Variants in KDM4C observed in about 807,000 individuals in gnomAD.
KDM4C encodes the protein lysine demethylase 4C, also known as lysine-specific demethylase 4C.
KDM4C carries 81 observed loss-of-function variants against 129.3 expected under a neutral mutation model. The observed-to-expected ratio is 0.63, with a 90% CI of 0.52 to 0.75. The LOEUF is 0.75. Among genes scored for constraint, KDM4C ranks in the 30% least tolerant of loss-of-function variants. The pLI is 0.00. For missense variants in KDM4C, 1,457 were observed against 1,304.0 expected (o/e 1.12, Z -1.81); for synonymous variants, 573 against 456.1 (o/e 1.26, Z -3.26).
intron 17 of KDM4C, among the ~76,000 whole-genome samples, chr9:7,057,032 C>G (rs1381821326): frequency 6.6e-6 from 1 of 152,106 alleles, no homozygotes; most frequent in Non-Finnish European, 1.5e-5. Context: ...TGGAAAGGTA[C>G]GGTCATTATT....
intron 6 of KDM4C, among the ~76,000 whole-genome samples, chr9:6,882,839 T>A (rs7874111): frequency 0.023 from 3,452 of 152,160 alleles, 125 homozygotes; most frequent in African/African-American, 0.078. Context: ...TTGTGGAATT[T>A]TTTTAATGGC....
chr9:6,722,494 A>G (rs1588024958), intron 1 of KDM4C, among the ~76,000 whole-genome samples: 1 of 150,140 alleles, frequency 6.7e-6, no homozygotes, highest in East Asian at 1.9e-4. Flanking sequence ...CCTGAGCAAC[A>G]TGGCAAAACC....
At chr9:6,993,000 T>C (rs1819028197) in intron 12 of KDM4C, among the ~76,000 whole-genome samples, 2 of 152,202 alleles carry the variant, frequency 1.3e-5, no homozygotes, top group South Asian at 4.1e-4. Context: ...GTTGCTATTC[T>C]CTTTAGGACA....
intron 12 of KDM4C, among the ~76,000 whole-genome samples, chr9:7,006,631 C>G (rs1821723673): frequency 6.6e-6 from 1 of 152,042 alleles, no homozygotes; most frequent in South Asian, 2.1e-4. Context: ...ATTGTACAAG[C>G]AGAAGTTGTG....
chr9:7,170,526 A>C (rs1484288080), intron 21 of KDM4C: 38 of 967,942 alleles, frequency 3.9e-5, no homozygotes, highest in Non-Finnish European at 4.5e-5. Flanking sequence ...TCAAAACTGC[A>C]GTCATTGAAA....
chr9:7,128,835 T>A (rs1346036932), intron 19 of KDM4C, among the ~76,000 whole-genome samples: 1 of 152,156 alleles, frequency 6.6e-6, no homozygotes, highest in Non-Finnish European at 1.5e-5. Flanking sequence ...CTCCATCTCC[T>A]CCTTCCTCTG....
chr9:6,724,002 T>C (rs1817046632), intron 1 of KDM4C: 1 of 152,164 alleles, frequency 6.6e-6, no homozygotes, highest in Non-Finnish European at 1.5e-5. Context: ...ACAGTGATCG[T>C]GGGATGAATA....
intron 17 of KDM4C, among the ~76,000 whole-genome samples, chr9:7,083,003 T>G (rs1234885598): frequency 6.6e-6 from 1 of 152,222 alleles, no homozygotes; most frequent in Non-Finnish European, 1.5e-5. Context: ...CTATTATCTA[T>G]TTTTATGAAG....
intron 5 of KDM4C, among the ~76,000 whole-genome samples, chr9:6,865,229 C>T (rs1317717235): frequency 6.6e-6 from 1 of 152,062 alleles, no homozygotes; most frequent in Non-Finnish European, 1.5e-5. Flanking sequence ...AGGATGGTCT[C>T]GATCTCCTGA....
At chr9:6,885,897 A>G (rs1276801864) in intron 6 of KDM4C, among the ~76,000 whole-genome samples, 2 of 152,192 alleles carry the variant, frequency 1.3e-5, no homozygotes, top group African/African-American at 4.8e-5. Context: ...TGGTTTTCCA[A>G]TTTAGGTTAA....
At chr9:6,912,353 A>G (rs1004357378) in intron 8 of KDM4C, among the ~76,000 whole-genome samples, 10 of 152,126 alleles carry the variant, frequency 6.6e-5, no homozygotes, top group African/African-American at 2.2e-4. Flanking sequence ...ACTGTCTCCT[A>G]GGGTTATTCT....
intron 2 of KDM4C, among the ~76,000 whole-genome samples, chr9:6,793,496 C>T (rs189793515): frequency 6.6e-6 from 1 of 151,490 alleles, no homozygotes; most frequent in East Asian, 1.9e-4. Context: ...CAATTTCTCT[C>T]TCCTATCCTT....
intron 8 of KDM4C, among the ~76,000 whole-genome samples, chr9:6,904,406 A>ATT (rs34938835): frequency 2.8e-5 from 4 of 144,318 alleles, no homozygotes; most frequent in Admixed American, 6.9e-5. Context: ...TTTGCAGTGG[A>ATT]TTTTTTTTTT....
chr9:6,872,027 A>C (rs1421334319), intron 5 of KDM4C, among the ~76,000 whole-genome samples: 1 of 152,160 alleles, frequency 6.6e-6, no homozygotes, highest in Admixed American at 6.5e-5. Flanking sequence ...GGGGTTTGAG[A>C]GGTGAATTGA....
chr9:7,165,246 C>T lies in KDM4C; in HGVS notation c.2790C>T (p.Asp930=). Residue 930 remains aspartate (D), a synonymous_variant, in exon 20 of 22, where the codon GAC becomes GAT. Transcript: ENST00000381309. ...DTFPEDIVSR[D]CLKLGPPAEG... ...CTCTGTTTATTCTGCAGAGCCGAGACTGTCTGAAGCTGGGCCCACCTGCTG... is the reference window on the plus strand; with the variant it reads ...CTCTGTTTATTCTGCAGAGCCGAGATTGTCTGAAGCTGGGCCCACCTGCTG... The T allele has an allele frequency of 6.2e-7, 1 of 1,614,112 alleles. No homozygotes were observed. The highest frequency in any genetic ancestry group is 8.5e-7 in the Non-Finnish European group (1 of 1,179,992).
chr9:6,941,003 C>T (rs1435254344), intron 8 of KDM4C, among the ~76,000 whole-genome samples: 2 of 151,720 alleles, frequency 1.3e-5, no homozygotes, highest in Non-Finnish European at 2.9e-5. Flanking sequence ...TAGACTGATT[C>T]CCTCATGCTT....
At chr9:6,852,114 C>T (rs916374978) in intron 5 of KDM4C, among the ~76,000 whole-genome samples, 3 of 151,940 alleles carry the variant, frequency 2.0e-5, no homozygotes, top group African/African-American at 7.3e-5. Flanking sequence ...TATAAATGCC[C>T]CTACAGATAT....
chr9:7,040,473 T>C (rs777996825), intron 15 of KDM4C, among the ~76,000 whole-genome samples: 4 of 151,816 alleles, frequency 2.6e-5, no homozygotes, highest in African/African-American at 9.7e-5. Flanking sequence ...TACCCAGGTA[T>C]TTTTGGAGTT....
Position 7,174,799 on chromosome 9 carries a change from G to C in KDM4C, c.*70G>C. 3 of 1,387,498 alleles carry C rather than the reference G, an allele frequency of 2.2e-6. No individual in the cohort carries two copies. The highest frequency in any genetic ancestry group is 3.0e-6 in the Non-Finnish European group (3 of 994,458). 85.9% of individuals were successfully genotyped at this position (1,387,498 alleles called of 1,614,324 possible). A position where few individuals can be genotyped will look rare whatever the true frequency, so the allele number is the denominator to read the frequency against. ...AGAGAAGATGAAGGGACATCCTTGG[G>C]GCTGTGCCGTGAGTTTTGCTGGCAT... On this transcript the variant is annotated 3_prime_UTR_variant, in exon 22 of 22. Transcript: ENST00000381309.
Sources: allele counts gnomAD v4.1 joint callset (sites outside exome capture counted in the v4.1 genomes callset), GRCh38; gene constraint gnomAD v4.1.1; transcripts MANE v1.5; gene names NCBI Gene and HGNC (gene_info 2026-07-23, HGNC 2026-07-21).